Variants in CNOT2 observed in about 807,000 individuals in gnomAD.
CNOT2 encodes CCR4-NOT transcription complex subunit 2.
CNOT2 carries 7 observed loss-of-function variants against 72.1 expected under a neutral mutation model. That is an observed-to-expected ratio of 0.10 (90% CI 0.06 to 0.18). The LOEUF is 0.18. Ranked by LOEUF, CNOT2 falls within the 10% of genes least tolerant of loss-of-function variation. The probability of loss-of-function intolerance (pLI) is 1.00; values close to 1 mark genes in which losing one functional copy is unlikely to be tolerated. For missense variants in CNOT2, 345 were observed against 660.3 expected (o/e 0.52, Z 5.23); for synonymous variants, 196 against 225.6 (o/e 0.87, Z 1.17).
chr12:70,248,249 A>G (rs1013850330), intron 1 of CNOT2, among the ~76,000 whole-genome samples: 2 of 152,124 alleles, frequency 1.3e-5, no homozygotes, highest in Admixed American at 1.3e-4. Context: ...TGCCTGGCCC[A>G]TTGGTTAGTA....
intron 13 of CNOT2, 140 bp downstream of exon 13, chr12:70,342,447 T>A: frequency 2.0e-6 from 2 of 1,001,114 alleles, no homozygotes; most frequent in Non-Finnish European, 2.9e-6. Context: ...TGTTAACTTG[T>A]TAAATGGTAA....
intron 7 of CNOT2, among the ~76,000 whole-genome samples, chr12:70,333,094 G>A (rs10506588): frequency 0.077 from 11,706 of 151,772 alleles, 572 homozygotes; most frequent in Non-Finnish European, 0.12. Context: ...CTTAACACCT[G>A]GAGAGAGCCT....
At chr12:70,291,099 G>C (rs1593140817) in intron 2 of CNOT2, among the ~76,000 whole-genome samples, 3 of 152,122 alleles carry the variant, frequency 2.0e-5, no homozygotes, top group East Asian at 3.9e-4. Flanking sequence ...AAATTGGACT[G>C]TTTCCTCTGA....
rs1434494623 is a variant in CNOT2 at position 70,288,309 on chromosome 12, A to G, written c.48+10035A>G. Among the ~76,000 whole-genome samples, 8 of 151,698 alleles carry G rather than the reference A, an allele frequency of 5.3e-5. No homozygotes were observed. In the South Asian group the frequency reaches 8.3e-4, roughly 16 times the overall value. ...CAGGCACCTGCCACCATGTTCAGCT[A>G]ATTTTTTTTGTATTTTTAGTATGGA... On this transcript the variant is annotated intron_variant, in intron 2 of 15. Transcript: ENST00000229195.
intron 3 of CNOT2, among the ~76,000 whole-genome samples, chr12:70,312,304 C>A (rs562697972): frequency 6.6e-6 from 1 of 151,764 alleles, no homozygotes. Context: ...GCCGCAGAAA[C>A]GAAAACCTAC....
At chr12:70,276,324 A>C (rs1868795631) in intron 1 of CNOT2, among the ~76,000 whole-genome samples, 1 of 151,994 alleles carries the variant, frequency 6.6e-6, no homozygotes, top group South Asian at 2.1e-4. Context: ...TCTTTTGCTG[A>C]CATTAATATA....
chr12:70,332,501 G>C (rs1448115284), intron 6 of CNOT2: 3 of 303,080 alleles, frequency 9.9e-6, no homozygotes, highest in Non-Finnish European at 1.6e-5. Context: ...CCCTGAATCT[G>C]TTTTCCTCAA....
intron 1 of CNOT2, among the ~76,000 whole-genome samples, chr12:70,260,184 A>G (rs1175694508): frequency 6.6e-6 from 1 of 152,222 alleles, no homozygotes; most frequent in Non-Finnish European, 1.5e-5. Flanking sequence ...TAATTTCTCC[A>G]AAGAAACCAG....
intron 2 of CNOT2, among the ~76,000 whole-genome samples, chr12:70,280,353 G>C (rs1869611262): frequency 6.6e-6 from 1 of 152,188 alleles, no homozygotes; most frequent in South Asian, 2.1e-4. Context: ...TAGCAGAGTA[G>C]GGTGACTATA....
chr12:70,346,153 A>C (rs1882146391), intron 14 of CNOT2, 27 bp from the exon 15 acceptor site: 1 of 1,533,254 alleles, frequency 6.5e-7, no homozygotes. Flanking sequence ...GGAAAAAGTT[A>C]ATTATCTTTT....
intron 2 of CNOT2, among the ~76,000 whole-genome samples, chr12:70,307,515 A>G (rs1382979679): frequency 6.6e-6 from 1 of 152,152 alleles, no homozygotes; most frequent in Non-Finnish European, 1.5e-5. Context: ...CGTTGTATAT[A>G]TGGTCCATCA....
intron 1 of CNOT2, among the ~76,000 whole-genome samples, chr12:70,262,809 G>T (rs1014648569): frequency 2.0e-5 from 3 of 152,066 alleles, no homozygotes; most frequent in Admixed American, 2.0e-4. Flanking sequence ...GAGTATCTGG[G>T]ATTACAGGCG....
chr12:70,243,163 GC>G (rs1447603392), upstream of CNOT2: 1 of 152,372 alleles, frequency 6.6e-6, no homozygotes, highest in African/African-American at 2.4e-5. Context: ...GGCCGCAGAA[GC>G]CCCGCTCTCT....
At chr12:70,313,996 G>C (rs1238960012) in intron 3 of CNOT2, among the ~76,000 whole-genome samples, 1 of 151,934 alleles carries the variant, frequency 6.6e-6, no homozygotes, top group Non-Finnish European at 1.5e-5. Context: ...TAACATCTTG[G>C]GTAAGAATCT....
intron 4 of CNOT2, among the ~76,000 whole-genome samples, chr12:70,325,386 C>T (rs1878932213): frequency 6.6e-6 from 1 of 151,680 alleles, no homozygotes; most frequent in Non-Finnish European, 1.5e-5. Context: ...GGAGAGGAGA[C>T]CTAGACATTA....
At chr12:70,299,438 T>A (rs1873460914) in intron 2 of CNOT2, among the ~76,000 whole-genome samples, 1 of 143,676 alleles carries the variant, frequency 7.0e-6, no homozygotes, top group South Asian at 2.3e-4. Context: ...GTGTTCTCAT[T>A]GTTCAATTCC....
intron 1 of CNOT2, among the ~76,000 whole-genome samples, chr12:70,250,553 A>G (rs1379797089): frequency 6.6e-6 from 1 of 152,144 alleles, no homozygotes; most frequent in Non-Finnish European, 1.5e-5. Context: ...AAACAAATAA[A>G]TAAACATAAT....
intron 1 of CNOT2, among the ~76,000 whole-genome samples, chr12:70,271,638 G>T (rs1959246054): frequency 6.6e-6 from 1 of 151,988 alleles, no homozygotes; most frequent in South Asian, 2.1e-4. Context: ...CTCCCAAACT[G>T]CTAGGATTAC....
intron 15 of CNOT2, among the ~76,000 whole-genome samples, chr12:70,352,950 T>G (rs1168330820): frequency 6.6e-6 from 1 of 152,182 alleles, no homozygotes; most frequent in Non-Finnish European, 1.5e-5. Flanking sequence ...TAGTTTTCGG[T>G]GGCAGTTGAT....
Sources: gnomAD v4.1 joint callset for allele counts (sites outside exome capture counted in the v4.1 genomes callset) on GRCh38, gnomAD v4.1.1 for gene constraint, MANE v1.5 for transcripts, NCBI Gene and HGNC (gene_info 2026-07-23, HGNC 2026-07-21) for gene names.